Variants in NRG1 observed in about 807,000 individuals in gnomAD.
NRG1 encodes the protein neuregulin 1.
NRG1 carries 18 observed loss-of-function variants against 63.8 expected under a neutral mutation model. The observed-to-expected ratio is 0.28, with a 90% CI of 0.19 to 0.42. The LOEUF (loss-of-function observed/expected upper bound fraction) is 0.42. Ranked by LOEUF, NRG1 falls within the 10% of genes least tolerant of loss-of-function variation. NRG1 has a pLI of 1.00. For synonymous variants in NRG1, 302 were observed against 301.3 expected (o/e 1.00, Z -0.02); for missense variants, 762 against 814.7 (o/e 0.94, Z 0.79).
chr8:31,702,764 TA>T (rs969753247), intron 1 of NRG1, among the ~76,000 whole-genome samples: 1 of 152,208 alleles, frequency 6.6e-6, no homozygotes, highest in Non-Finnish European at 1.5e-5. Context: ...TTTTTTAATT[TA>T]TTTTTAAAAA....
intron 1 of NRG1, among the ~76,000 whole-genome samples, chr8:32,528,113 G>T (rs1256395064): frequency 3.9e-5 from 6 of 152,178 alleles, no homozygotes; most frequent in South Asian, 2.1e-4. Context: ...TATCATCCAG[G>T]TCTCTCCTTA....
rs1034031960 is a variant in NRG1 at position 32,708,684 on chromosome 8, A to T, written c.503-19265A>T. On this transcript the variant is annotated intron_variant, in intron 5 of 11. Transcript: ENST00000356819. ...ACAGGTTATTGTGAGAGCCTATGAG[A>T]TCATGTGTATTTTTGCCCTGGCATG... Among the ~76,000 whole-genome samples, 9 of 152,332 alleles carry T rather than the reference A, an allele frequency of 5.9e-5. 1 individual carries two copies. The highest frequency in any genetic ancestry group is 2.2e-4 in the African/African-American group (9 of 41,586).
intron 1 of NRG1, among the ~76,000 whole-genome samples, chr8:32,332,078 G>C (rs187348221): frequency 6.6e-6 from 1 of 152,062 alleles, no homozygotes; most frequent in East Asian, 1.9e-4. Flanking sequence ...TTGAACCCAG[G>C]AGTTTGAGAC....
intron 1 of NRG1, among the ~76,000 whole-genome samples, chr8:32,571,757 A>G (rs977638813): frequency 6.6e-6 from 1 of 152,164 alleles, no homozygotes; most frequent in African/African-American, 2.4e-5. Context: ...AAATTGAGTG[A>G]CTTGCAATTA....
At chr8:32,085,301 CTGCCTTG>C (rs545321729) in intron 1 of NRG1, among the ~76,000 whole-genome samples, 1 of 152,226 alleles carries the variant, frequency 6.6e-6, no homozygotes. Context: ...CCAAACATTT[CTGCCTTG>C]TGCTAGAAAG....
chr8:32,655,969 T>G (rs572728695), intron 5 of NRG1, among the ~76,000 whole-genome samples: 2 of 152,270 alleles, frequency 1.3e-5, no homozygotes, highest in South Asian at 4.1e-4. Flanking sequence ...TTACTCTTTT[T>G]ATTGTTCCAA....
intron 1 of NRG1, among the ~76,000 whole-genome samples, chr8:32,191,066 G>C (rs191394499): frequency 1.3e-3 from 203 of 152,050 alleles, no homozygotes; most frequent in African/African-American, 4.5e-3. Flanking sequence ...CAATTGCCTG[G>C]AACAAAGTTA....
chr8:32,333,365 G>A lies in NRG1; in HGVS notation c.38-262463G>A, dbSNP rs7822917. 7.2e-5 allele frequency among the ~76,000 whole-genome samples: 11 copies of A among 151,968 alleles called. 1 individual carries two copies. The highest frequency in any genetic ancestry group is 5.9e-4 in the Admixed American group (9 of 15,252). ...TTCCACAGTGTAGATGTATCACAAT[G>A]CATTCAGGTATTCTCCTATGGTATT... On this transcript the variant is annotated intron_variant, in intron 1 of 10. Transcript: ENST00000519301.
intron 1 of NRG1, among the ~76,000 whole-genome samples, chr8:32,030,829 G>A (rs770103167): frequency 2.2e-4 from 33 of 152,258 alleles, no homozygotes; most frequent in South Asian, 1.5e-3. Context: ...AAAATGCTGA[G>A]AGCTTCCCTC....
chr8:31,698,330 G>A (rs960285999), intron 1 of NRG1, among the ~76,000 whole-genome samples: 11 of 152,256 alleles, frequency 7.2e-5, no homozygotes, highest in Middle Eastern at 3.4e-3. Flanking sequence ...GACCAATTGT[G>A]ATTTATGACC....
At chr8:32,408,308 T>G (rs755970957) in intron 1 of NRG1, among the ~76,000 whole-genome samples, 1 of 152,176 alleles carries the variant, frequency 6.6e-6, no homozygotes, top group Non-Finnish European at 1.5e-5. Context: ...TTTGCCCTGT[T>G]CCCTCAGGCT....
intron 1 of NRG1, among the ~76,000 whole-genome samples, chr8:31,767,178 A>C (rs1403534487): frequency 2.0e-5 from 3 of 152,176 alleles, no homozygotes; most frequent in African/African-American, 7.2e-5. Context: ...ATTACATTAA[A>C]GCCCCATTAT....
At chr8:32,153,354 A>G (rs778384509) in intron 1 of NRG1, among the ~76,000 whole-genome samples, 2 of 152,172 alleles carry the variant, frequency 1.3e-5, no homozygotes, top group Non-Finnish European at 2.9e-5. Context: ...TTTTTAATAC[A>G]GAGAATGAAG....
At chr8:31,806,629 T>C (rs948701133) in intron 1 of NRG1, among the ~76,000 whole-genome samples, 2 of 152,210 alleles carry the variant, frequency 1.3e-5, no homozygotes, top group Non-Finnish European at 2.9e-5. Context: ...CTTTCTTCTT[T>C]GCTAATTCCT....
chr8:31,685,523 A>T (rs1808793602), intron 1 of NRG1, among the ~76,000 whole-genome samples: 1 of 152,180 alleles, frequency 6.6e-6, no homozygotes, highest in Non-Finnish European at 1.5e-5. Context: ...TTACATTGTC[A>T]TAGAGTCCAT....
chr8:32,159,250 C>T (rs1356036562), intron 1 of NRG1, among the ~76,000 whole-genome samples: 2 of 152,158 alleles, frequency 1.3e-5, no homozygotes, highest in Admixed American at 1.3e-4. Context: ...AAGAAAAAGG[C>T]TTGGCCGGGC....
intron 1 of NRG1, among the ~76,000 whole-genome samples, chr8:32,233,511 C>T (rs1041936285): frequency 4.2e-5 from 6 of 144,432 alleles, no homozygotes; most frequent in African/African-American, 1.5e-4. Flanking sequence ...GATAAAGTGA[C>T]ACACTGTTGC....
chr8:32,538,876 T>C (rs1832295478), intron 1 of NRG1, among the ~76,000 whole-genome samples: 1 of 152,170 alleles, frequency 6.6e-6, no homozygotes, highest in African/African-American at 2.4e-5. Context: ...GTAATTATAA[T>C]AATGCAAGTG....
intron 7 of NRG1, chr8:32,749,837 T>G (rs1006737272): frequency 9.8e-5 from 53 of 543,002 alleles, no homozygotes; most frequent in Non-Finnish European, 1.5e-4. Flanking sequence ...CTGCTGCAAA[T>G]TCACATATAT....
Sources: gnomAD v4.1 joint callset for allele counts (sites outside exome capture counted in the v4.1 genomes callset) on GRCh38, gnomAD v4.1.1 for gene constraint, MANE v1.5 for transcripts, NCBI Gene and HGNC (gene_info 2026-07-23, HGNC 2026-07-21) for gene names.